The following PBX1 variants were observed in gnomAD, a reference collection of about 807,000 sequenced individuals.
PBX1 encodes the protein PBX homeobox 1.
Under a neutral mutation model 53.4 loss-of-function variants are expected in PBX1, and 6 were observed. The observed-to-expected ratio is 0.11, with a 90% CI of 0.06 to 0.22. The LOEUF is 0.22. Ranked by LOEUF, PBX1 falls within the 10% of genes least tolerant of loss-of-function variation. The pLI is 1.00. For missense variants in PBX1, 251 were observed against 551.4 expected, an observed-to-expected ratio of 0.46 and a Z score of 5.46; for synonymous variants, 204 against 212.3, an observed-to-expected ratio of 0.96 and a Z score of 0.34.
chr1:164,629,536 G>A (rs866885501), intron 2 of PBX1, among the ~76,000 whole-genome samples: 1 of 152,176 alleles, frequency 6.6e-6, no homozygotes, highest in African/African-American at 2.4e-5. Flanking sequence ...GGGAAACTGA[G>A]ACCCAAAGGG....
Position 164,755,526 on chromosome 1 carries a change from G to C in PBX1, c.266-36968G>C, listed in dbSNP as rs140586788. 3.4e-3 allele frequency among the ~76,000 whole-genome samples: 518 copies of C among 152,172 alleles called. 2 individuals carry two copies. Among genetic ancestry groups the C allele is most frequent in the African/African-American group, 0.012 (502 of 41,528 alleles). On this transcript the variant is annotated intron_variant, in intron 2 of 8. Coordinates refer to ENST00000420696, the MANE Select transcript of PBX1 (RefSeq NM_002585.4). ...TTGTTTTAAAAGAAGATATAAAAAT[G>C]TGCTCAGTGCCAGAATGCCTCTAGG...
chr1:164,708,913 G>C (rs1780342), intron 2 of PBX1, among the ~76,000 whole-genome samples: 71,801 of 152,004 alleles, frequency 0.47, 17,244 homozygotes, highest in East Asian at 0.6. Flanking sequence ...TTCATTTTAA[G>C]CACTACTTAT....
rs188296121 is a variant in PBX1 at position 164,710,696 on chromosome 1, C to T, written c.266-81798C>T. On this transcript the variant is annotated intron_variant, in intron 2 of 8. Transcript: ENST00000420696. ...AAAGTGCTGGGATTATAGGTGTGAA[C>T]CACCACGCCTGGCGGTGCTGGCTTT... 2.6e-5 allele frequency among the ~76,000 whole-genome samples: 4 copies of T among 152,282 alleles called. No homozygotes were observed. The East Asian group carries it at 5.8e-4, about 22-fold the overall frequency.
chr1:164,755,292 G>A (rs962255087), intron 2 of PBX1, among the ~76,000 whole-genome samples: 2 of 152,138 alleles, frequency 1.3e-5, no homozygotes, highest in African/African-American at 4.8e-5. Flanking sequence ...TGGGATTAGA[G>A]CCATGCACCA....
chr1:164,649,610 C>T (rs1278290358), intron 2 of PBX1, among the ~76,000 whole-genome samples: 2 of 152,148 alleles, frequency 1.3e-5, no homozygotes, highest in East Asian at 3.9e-4. Context: ...CCCATGAATT[C>T]AAGCATAAGG....
chr1:164,764,026 C>T (rs1315770049), intron 2 of PBX1, among the ~76,000 whole-genome samples: 1 of 152,140 alleles, frequency 6.6e-6, no homozygotes, highest in African/African-American at 2.4e-5. Context: ...GTCAGGGAAC[C>T]TAAATGCCGT....
At chr1:164,829,363 A>C (rs1036704860) in intron 8 of PBX1, 5 of 152,218 alleles carry the variant, frequency 3.3e-5, no homozygotes, top group African/African-American at 1.2e-4. Flanking sequence ...TGACTAGCAA[A>C]AGCTGTTCTT....
At chr1:164,732,565 G>A (rs965756335) in intron 2 of PBX1, among the ~76,000 whole-genome samples, 2 of 151,988 alleles carry the variant, frequency 1.3e-5, no homozygotes, top group Non-Finnish European at 2.9e-5. Flanking sequence ...TTAGGTTGGT[G>A]CAAAAGTAAT....
intron 2 of PBX1, among the ~76,000 whole-genome samples, chr1:164,858,201 A>G (rs1036665160): frequency 6.6e-6 from 1 of 152,106 alleles, no homozygotes; most frequent in African/African-American, 2.4e-5. Context: ...TACAAAAATT[A>G]CAAACTTAAA....
At chr1:164,661,112 CTTTTACTATG>C (rs1302932895) in intron 2 of PBX1, among the ~76,000 whole-genome samples, 1 of 152,192 alleles carries the variant, frequency 6.6e-6, no homozygotes, top group African/African-American at 2.4e-5. Context: ...GAGGAGAAGA[CTTTTACTATG>C]TTTTTCTCTG....
chr1:164,597,714 C>T (rs1168495172), intron 2 of PBX1, among the ~76,000 whole-genome samples: 2 of 152,026 alleles, frequency 1.3e-5, no homozygotes, highest in Non-Finnish European at 2.9e-5. Context: ...TTATGGCCTT[C>T]GTTTTGGGGT....
intron 8 of PBX1, among the ~76,000 whole-genome samples, chr1:164,826,327 CTT>C (rs1021802786): frequency 1.3e-5 from 2 of 152,180 alleles, no homozygotes; most frequent in Non-Finnish European, 2.9e-5. Flanking sequence ...GTTACACAAA[CTT>C]TTCCCTTTGA....
chr1:164,751,761 TA>T (rs1350180980), intron 2 of PBX1, among the ~76,000 whole-genome samples: 1 of 151,536 alleles, frequency 6.6e-6, no homozygotes, highest in Non-Finnish European at 1.5e-5. Flanking sequence ...TTTGTATTTT[TA>T]GTAGAGGCAG....
rs199569255 is a variant in PBX1 at position 164,606,165 on chromosome 1, A to ACT, written c.265+42858_265+42859dup. Among the ~76,000 whole-genome samples the ACT allele has an allele frequency of 8.0e-3, 1,223 of 152,274 alleles. 14 individuals are homozygous for ACT. Among genetic ancestry groups the ACT allele is most frequent in the African/African-American group, 0.027 (1,139 of 41,546 alleles). On this transcript the variant is annotated intron_variant, in intron 2 of 8. Coordinates refer to ENST00000420696, the MANE Select transcript of PBX1 (RefSeq NM_002585.4). ...TAATTTGTTGTGTATATTTAAAATA[A>ACT]CTCTCATCTTTCAGTCTCTCCAATA... is the stretch of plus-strand genomic sequence containing the variant.
At chr1:164,864,193 AG>A (rs1397722976) in intron 2 of PBX1, among the ~76,000 whole-genome samples, 1 of 152,026 alleles carries the variant, frequency 6.6e-6, no homozygotes, top group Non-Finnish European at 1.5e-5. Context: ...TGCTGGCAGG[AG>A]TAAGTTTAGA....
chr1:164,776,942 G>GAGAGAGA lies in PBX1; in HGVS notation c.266-15552_266-15551insAGAGAGA, dbSNP rs749459325. On this transcript the variant is annotated intron_variant, in intron 2 of 8. Coordinates refer to ENST00000420696, the MANE Select transcript of PBX1 (RefSeq NM_002585.4). ...GTGTGTGTGTGTGTGTGTGGTGGGA[G>GAGAGAGA]GAGAGAGAGAGAGAGAGAGAGAGAG... is the stretch of plus-strand genomic sequence containing the variant. 3.8e-3 allele frequency among the ~76,000 whole-genome samples: 164 copies of GAGAGAGA among 43,562 alleles called. 15 individuals are homozygous for GAGAGAGA. The East Asian group carries it at 0.058, about 16-fold the overall frequency. 28.6% of individuals were successfully genotyped at this position (43,562 alleles called of 152,430 possible).
chr1:164,565,749 CT>C (rs111807009), intron 2 of PBX1, among the ~76,000 whole-genome samples: 14,694 of 142,730 alleles, frequency 0.1, 792 homozygotes, highest in East Asian at 0.2. Context: ...GTTGCAGGAG[CT>C]TTTTTTTTTT....
chr1:164,776,937 T>TGTGGG (rs1667688230), intron 2 of PBX1, among the ~76,000 whole-genome samples: 4 of 26,962 alleles, frequency 1.5e-4, no homozygotes, highest in African/African-American at 6.5e-4. Context: ...GTGTGTGTGG[T>TGTGGG]GGGAGGAGAG....
intron 2 of PBX1, chr1:164,563,947 C>T (rs1471065362): frequency 6.6e-6 from 1 of 152,122 alleles, no homozygotes; most frequent in Non-Finnish European, 1.5e-5. Flanking sequence ...CGTGGACTAA[C>T]ACACTTATAA....
Sources: allele counts gnomAD v4.1 joint callset (sites outside exome capture counted in the v4.1 genomes callset), GRCh38; gene constraint gnomAD v4.1.1; transcripts MANE v1.5; gene names NCBI Gene and HGNC (gene_info 2026-07-23, HGNC 2026-07-21).